Variants in MYLK observed in about 807,000 individuals in gnomAD.
MYLK encodes myosin light chain kinase.
In MYLK, 106 loss-of-function variants were observed where a neutral mutation model predicts 203.4. The ratio of observed to expected loss-of-function variants is 0.52; its 90% confidence interval spans 0.45 to 0.61. MYLK has a LOEUF of 0.61. MYLK is among the 20% of genes least tolerant of loss of function. The probability of loss-of-function intolerance (pLI) is 0.00; values close to 1 mark genes in which losing one functional copy is unlikely to be tolerated. For synonymous variants in MYLK, 867 were observed against 959.5 expected (o/e 0.90, Z 1.78); for missense variants, 2,072 against 2,442.3 (o/e 0.85, Z 3.20).
chr3:123,644,090 A>G (rs781171706), intron 27 of MYLK, among the ~76,000 whole-genome samples: 4 of 152,212 alleles, frequency 2.6e-5, no homozygotes, highest in Admixed American at 2.0e-4. Flanking sequence ...ATTCATTACT[A>G]TTTCCCACTA....
At chr3:123,863,714 T>C (rs903602097) in intron 2 of MYLK, among the ~76,000 whole-genome samples, 1 of 152,186 alleles carries the variant, frequency 6.6e-6, no homozygotes, top group African/African-American at 2.4e-5. Context: ...ATACCAAATG[T>C]TGATGACGAT....
chr3:123,801,919 T>C (rs1270017262), intron 3 of MYLK, among the ~76,000 whole-genome samples: 1 of 152,196 alleles, frequency 6.6e-6, no homozygotes, highest in Non-Finnish European at 1.5e-5. Flanking sequence ...GATAGAATGA[T>C]TTATCTTTCT....
intron 10 of MYLK, 63 bp from the exon 11 acceptor site, chr3:123,733,165 G>C: frequency 6.4e-7 from 1 of 1,555,976 alleles, no homozygotes; most frequent in Non-Finnish European, 8.8e-7. Context: ...TGATTGTGAG[G>C]TAGGTGGGGA....
At chr3:123,659,714 C>T (rs757633989) in intron 23 of MYLK, 16 of 517,830 alleles carry the variant, frequency 3.1e-5, no homozygotes, top group South Asian at 2.2e-4. Flanking sequence ...GTCCTTAGAA[C>T]AGGGAGCTCC....
chr3:123,675,581 C>T (rs1367305341), intron 20 of MYLK, among the ~76,000 whole-genome samples: 1 of 152,220 alleles, frequency 6.6e-6, no homozygotes, highest in Non-Finnish European at 1.5e-5. Context: ...GGGAACTAGC[C>T]TTACCAGCCT....
intron 2 of MYLK, among the ~76,000 whole-genome samples, chr3:123,859,410 T>C (rs771968111): frequency 2.2e-4 from 34 of 152,222 alleles, no homozygotes; most frequent in Non-Finnish European, 4.1e-4. Flanking sequence ...CAATTACTCA[T>C]CCTAATCACA....
rs1463419376 is a variant in MYLK at position 123,875,651 on chromosome 3, A to C, written c.-127+908T>G. Among the ~76,000 whole-genome samples, 3 of 152,212 alleles carry C rather than the reference A, an allele frequency of 2.0e-5. No individual in the cohort carries two copies. In the East Asian group the frequency reaches 5.8e-4, roughly 29 times the overall value. On this transcript the variant is annotated intron_variant, in intron 2 of 33. Coordinates refer to ENST00000360304, the MANE Select transcript of MYLK (RefSeq NM_053025.4). ...AAACAGGTGAATTTTACTGTATATA[A>C]ATTATATCTACTTTTTTACATGAGA...
At chr3:123,782,477 T>TA (rs1278794946) in intron 4 of MYLK, among the ~76,000 whole-genome samples, 19 of 152,218 alleles carry the variant, frequency 1.2e-4, no homozygotes, top group African/African-American at 4.6e-4. Context: ...GTGTCTTACT[T>TA]ATTAACTTTA....
intron 2 of MYLK, among the ~76,000 whole-genome samples, chr3:123,856,300 CCT>C (rs1015288289): frequency 1.3e-5 from 2 of 152,126 alleles, no homozygotes; most frequent in African/African-American, 4.8e-5. Context: ...CCACTACAAC[CCT>C]CTCGTTTGTG....
rs1483967686 is a variant in MYLK at position 123,647,387 on chromosome 3, T to C, written c.4456A>G (p.Thr1486Ala). The C allele has an allele frequency of 6.2e-7, 1 of 1,614,198 alleles. No homozygotes were observed. The highest frequency in any genetic ancestry group is 1.7e-5 in the Admixed American group (1 of 60,026). ...GQVFRLVEKK[T>A]RKVWAGKFFK... ...AACTTCCCTGCCCAGACTTTTCGAG[T>C]TTTCTTTTCTACAAGTCGAAAGACC... Residue 1486 changes from threonine to alanine, a missense_variant, in exon 27 of 34, where the codon ACT becomes GCT. By Grantham distance (58) the Thr-to-Ala change is moderately conservative. Around this residue, in one of 3 missense-constraint regions of MYLK, gnomAD observed 524 missense variants for 782.4 expected, o/e 0.67. Transcript: ENST00000360304.
intron 5 of MYLK, among the ~76,000 whole-genome samples, chr3:123,752,062 T>G (rs980375060): frequency 6.6e-6 from 1 of 151,912 alleles, no homozygotes; most frequent in Non-Finnish European, 1.5e-5. Context: ...AGGAGTCTGA[T>G]TTCAGCTGCA....
intron 5 of MYLK, among the ~76,000 whole-genome samples, chr3:123,746,106 T>G (rs919741205): frequency 3.3e-5 from 5 of 152,108 alleles, no homozygotes; most frequent in African/African-American, 1.2e-4. Context: ...TCTGCCCACT[T>G]TGGCCTCCCA....
intron 5 of MYLK, among the ~76,000 whole-genome samples, chr3:123,741,237 A>C (rs971687719): frequency 2.6e-5 from 4 of 152,180 alleles, no homozygotes; most frequent in Admixed American, 2.0e-4. Flanking sequence ...GAGGAGAAAA[A>C]TCATGGCTAT....
intron 1 of MYLK, 112 bp from the exon 2 acceptor site, chr3:123,876,729 A>T (rs936091535): frequency 6.6e-6 from 1 of 152,140 alleles, no homozygotes; most frequent in Non-Finnish European, 1.5e-5. Flanking sequence ...CCCTGACCCC[A>T]CCAAGGTAGT....
chr3:123,613,953 C>G lies in MYLK; in HGVS notation c.*152G>C. On this transcript the variant is annotated 3_prime_UTR_variant, in exon 34 of 34. Coordinates refer to ENST00000360304, the MANE Select transcript of MYLK (RefSeq NM_053025.4). ...CATCAATAACGCTGCTAGGTATCAA[C>G]TGCTGTTTCTGAAGAATCAACCCAC... is the stretch of plus-strand genomic sequence containing the variant. 1.1e-6 allele frequency: 1 copy of G among 891,996 alleles called. No homozygotes were observed. Among genetic ancestry groups the G allele is most frequent in the Non-Finnish European group, 1.8e-6 (1 of 564,488 alleles). The allele number at this position is 891,996 out of a possible 1,614,324, so 55.3% of individuals were successfully genotyped here. A position where few individuals can be genotyped will look rare whatever the true frequency, so the allele number is the denominator to read the frequency against.
chr3:123,789,460 C>A (rs987242667), intron 4 of MYLK, among the ~76,000 whole-genome samples: 3 of 152,052 alleles, frequency 2.0e-5, no homozygotes, highest in African/African-American at 7.2e-5. Flanking sequence ...AGGTTTGGCT[C>A]CGGTGGGCGT....
chr3:123,689,787 G>C (rs1406012023), intron 19 of MYLK: 1 of 152,204 alleles, frequency 6.6e-6, no homozygotes, highest in African/African-American at 2.4e-5. Context: ...GTTAACCCTT[G>C]TCTTCTGCTG....
rs1270233377 is a variant in MYLK at position 123,649,002 on chromosome 3, C to T, written c.4384G>A (p.Asp1462Asn). The T allele has an allele frequency of 1.9e-6, 3 of 1,614,174 alleles. No individual in the cohort carries two copies. Among genetic ancestry groups the T allele is most frequent in the South Asian group, 1.1e-5 (1 of 91,064 alleles). ...AATCTCTCCTCAATGTCGTAGAAGT[C>T]AGATACTTTTTGTTCAGTATTGATT... ...VTINTEQKVS[D>N]FYDIEERLGS... The change falls in exon 26 of 34, where the codon GAC becomes AAC. Residue 1462 changes from aspartate to asparagine, a missense_variant. By Grantham distance (23) the Asp-to-Asn change is conservative. Transcript: ENST00000360304.
At chr3:123,753,733 G>C (rs2063278407) in intron 4 of MYLK, among the ~76,000 whole-genome samples, 1 of 152,168 alleles carries the variant, frequency 6.6e-6, no homozygotes. Context: ...GGTTCAGAAT[G>C]GCTCACTAAT....
Sources: allele counts gnomAD v4.1 joint callset (sites outside exome capture counted in the v4.1 genomes callset), GRCh38; gene constraint gnomAD v4.1.1; regional missense constraint gnomAD v4.1.1; transcripts MANE v1.5; gene names NCBI Gene and HGNC (gene_info 2026-07-23, HGNC 2026-07-21).